CSPP1: variants seen among roughly 807,000 people sequenced by gnomAD.
CSPP1 encodes centrosome and spindle pole-associated protein 1.
Under a neutral mutation model 164.4 loss-of-function variants are expected in CSPP1, and 126 were observed. The ratio of observed to expected loss-of-function variants is 0.77; its 90% CI spans 0.66 to 0.89. CSPP1 has a LOEUF of 0.89. Among genes scored for constraint, CSPP1 ranks in the 40% least tolerant of loss-of-function variants. CSPP1 has a pLI of 0.00. For missense variants in CSPP1, 1,395 were observed against 1,449.8 expected, an observed-to-expected ratio of 0.96 and a Z score of 0.61; for synonymous variants, 472 against 476.7, an observed-to-expected ratio of 0.99 and a Z score of 0.13.
chr8:67,118,231 T>C lies in CSPP1; in HGVS notation c.1497-17T>C, dbSNP rs1349909949. ...AATGAAATATGAGAGGAATTTTTCATCTTTCTTTTCATACAGGATTGCACC... is the reference window on the plus strand; with the variant it reads ...AATGAAATATGAGAGGAATTTTTCACCTTTCTTTTCATACAGGATTGCACC... On this transcript the variant is annotated splice_polypyrimidine_tract_variant and intron_variant, in intron 13 of 30. Transcript: ENST00000678616. The C allele has an allele frequency of 1.2e-6, 2 of 1,609,104 alleles. No individual in the cohort carries two copies. Among genetic ancestry groups the C allele is most frequent in the African/African-American group, 2.7e-5 (2 of 74,714 alleles).
intron 28 of CSPP1, among the ~76,000 whole-genome samples, chr8:67,182,186 A>G (rs1157955296): frequency 6.6e-6 from 1 of 152,098 alleles, no homozygotes; most frequent in Non-Finnish European, 1.5e-5. Context: ...TATTTTTTGT[A>G]GAGACAGGGT....
At position 67,135,464 on chromosome 8, in the gene CSPP1, T is replaced by C. The variant is rs1216497537; in HGVS notation, c.1828-1992T>C. The C allele has an allele frequency of 2.0e-5, 3 of 152,214 alleles. No homozygotes were observed. In the East Asian group the frequency reaches 5.8e-4, roughly 29 times the overall value. 9.4% of individuals were successfully genotyped at this position (152,214 alleles called of 1,614,324 possible). A position where few individuals can be genotyped will look rare whatever the true frequency, so the allele number is the denominator to read the frequency against. On this transcript the variant is annotated intron_variant, in intron 16 of 30. Transcript: ENST00000678616. The stretch of plus-strand genomic sequence containing the variant: ...GGTGTGAGCCCAGCCCATGTTGTAC[T>C]TTTATGTTATAGAGATGGCAGCTTT...
intron 15 of CSPP1, among the ~76,000 whole-genome samples, chr8:67,131,395 C>T (rs558573692): frequency 6.6e-6 from 1 of 151,976 alleles, no homozygotes; most frequent in Non-Finnish European, 1.5e-5. Flanking sequence ...CCAAAAAAAA[C>T]CAAAAAAACA....
chr8:67,186,519 T>C (rs1490509528), intron 28 of CSPP1, among the ~76,000 whole-genome samples: 1 of 151,580 alleles, frequency 6.6e-6, no homozygotes, highest in African/African-American at 2.4e-5. Context: ...TCAGCAAACT[T>C]GGAATAGAGG....
chr8:67,176,984 T>TTGC (rs994545517), intron 26 of CSPP1, among the ~76,000 whole-genome samples: 7 of 151,146 alleles, frequency 4.6e-5, no homozygotes, highest in African/African-American at 1.7e-4. Flanking sequence ...GTCAGGAGAA[T>TTGC]TGCTTGAACC....
At chr8:67,191,570 A>G (rs1836262646) in intron 29 of CSPP1, among the ~76,000 whole-genome samples, 2 of 152,190 alleles carry the variant, frequency 1.3e-5, no homozygotes, top group Non-Finnish European at 1.5e-5. Flanking sequence ...CTTTCTTTTG[A>G]AGGTCATTCA....
intron 28 of CSPP1, among the ~76,000 whole-genome samples, chr8:67,182,688 C>T (rs889088607): frequency 1.1e-4 from 17 of 152,164 alleles, no homozygotes; most frequent in African/African-American, 4.1e-4. Context: ...ACGGGTGTGA[C>T]GTGGCATCTC....
chr8:67,154,727 C>A (rs1261828689), intron 19 of CSPP1, among the ~76,000 whole-genome samples: 1 of 152,142 alleles, frequency 6.6e-6, no homozygotes, highest in East Asian at 1.9e-4. Flanking sequence ...TCTCGAACTA[C>A]TGACCTCAAG....
chr8:67,065,796 T>C (rs1805426102), intron 1 of CSPP1, among the ~76,000 whole-genome samples: 1 of 152,200 alleles, frequency 6.6e-6, no homozygotes, highest in South Asian at 2.1e-4. Flanking sequence ...CCCAAAGTGC[T>C]GGAATTACGG....
chr8:67,150,411 T>G (rs1282161954), intron 18 of CSPP1, among the ~76,000 whole-genome samples: 7 of 152,092 alleles, frequency 4.6e-5, no homozygotes, highest in Non-Finnish European at 8.8e-5. Flanking sequence ...CAATGTTGTT[T>G]TTTTTTTTGT....
At chr8:67,085,459 T>A (rs1334850001) in intron 3 of CSPP1, among the ~76,000 whole-genome samples, 2 of 152,072 alleles carry the variant, frequency 1.3e-5, no homozygotes, top group Non-Finnish European at 2.9e-5. Context: ...AAGATATTCT[T>A]GTATGCTAAA....
rs557911784 is a variant in CSPP1 at position 67,121,238 on chromosome 8, A to G, written c.1697+2417A>G. 8.5e-5 allele frequency among the ~76,000 whole-genome samples: 13 copies of G among 152,342 alleles called. No homozygotes were observed. The South Asian group carries it at 2.3e-3, about 27-fold the overall frequency. On this transcript the variant is annotated intron_variant, in intron 15 of 30. Transcript: ENST00000678616. ...TTTAATAGAAATGGCTAAAGCGGGC[A>G]TCCCTGCCTTGTTCCTGATCTTAGA...
At chr8:67,186,963 T>TATC (rs1383092689) in intron 28 of CSPP1, among the ~76,000 whole-genome samples, 2 of 144,464 alleles carry the variant, frequency 1.4e-5, no homozygotes, top group Non-Finnish European at 3.0e-5. Context: ...GGTATAAATC[T>TATC]ATCTATCATC....
chr8:67,195,567 C>T lies in CSPP1; in HGVS notation c.3655C>T (p.Gln1219Ter). 6.2e-7 allele frequency: 1 copy of T among 1,614,118 alleles called. No individual in the cohort carries two copies. Among genetic ancestry groups the T allele is most frequent in the Non-Finnish European group, 8.5e-7 (1 of 1,180,002 alleles). The change falls in exon 31 of 31, where the codon CAG (glutamine) becomes TAG (stop). Residue 1219 changes from glutamine to a stop codon, truncating the protein, a stop_gained. Coordinates refer to ENST00000678616, the MANE Select transcript of CSPP1 (RefSeq NM_001382391.1). LOFTEE classifies it high-confidence loss of function. The part of the protein sequence containing the change: ...IPGKPGTFTW[Q>*]GLSTAHG ...TGGAAAACCAGGCACTTTCACTTGGCAGGGCCTGTCGACTGCACATGGTTA... is the reference window on the plus strand; with the variant it reads ...TGGAAAACCAGGCACTTTCACTTGGTAGGGCCTGTCGACTGCACATGGTTA...
intron 30 of CSPP1, 42 bp from the exon 31 acceptor site, chr8:67,195,340 C>A: frequency 7.6e-7 from 1 of 1,314,278 alleles, no homozygotes; most frequent in Non-Finnish European, 1.1e-6. Flanking sequence ...CTCCTGCCTG[C>A]CACCTGTGTT....
At chr8:67,157,122 A>G (rs1826815056) in intron 19 of CSPP1, among the ~76,000 whole-genome samples, 2 of 152,160 alleles carry the variant, frequency 1.3e-5, no homozygotes, top group South Asian at 4.1e-4. Flanking sequence ...TGAAATTTTG[A>G]TGAATTATAA....
rs1446338514 is a variant in CSPP1, at chr8:67,116,018, T to G, written c.1392T>G (p.Ser464=). 6.2e-7 allele frequency: 1 copy of G among 1,613,964 alleles called. No homozygotes were observed. The highest frequency in any genetic ancestry group is 2.2e-5 in the East Asian group (1 of 44,876). Residue 464 remains serine, a synonymous_variant, in exon 13 of 31, where the codon TCT becomes TCG. Coordinates refer to ENST00000678616, the MANE Select transcript of CSPP1 (RefSeq NM_001382391.1). ...IAFQTPLPPL[S]APSVPPIPSV... ...TCCAGACACCTCTCCCTCCTTTATC[T>G]GCCCCATCTGTCCCACCCATCCCAT...
Position 67,195,722 on chromosome 8 carries a change from A to G in CSPP1, c.*129A>G, listed in dbSNP as rs959484549. On this transcript the variant is annotated 3_prime_UTR_variant, in exon 31 of 31. Transcript: ENST00000678616. ...TTTTCCATCATCTGTATATAAAATT[A>G]TTTTTATCATGATGTATATTATGTA... 2 of 669,400 alleles carry G rather than the reference A, an allele frequency of 3.0e-6. No homozygotes were observed. Among genetic ancestry groups the G allele is most frequent in the Non-Finnish European group, 5.2e-6 (2 of 386,572 alleles). The allele number at this position is 669,400 out of a possible 1,614,324, so 41.5% of individuals were successfully genotyped here.
chr8:67,159,911 T>C (rs1292942961), intron 21 of CSPP1, among the ~76,000 whole-genome samples: 8 of 68,094 alleles, frequency 1.2e-4, no homozygotes, highest in East Asian at 3.9e-4. Flanking sequence ...TTTCTTTCTT[T>C]CTTTCTTTCT....
Sources: allele counts gnomAD v4.1 joint callset (sites outside exome capture counted in the v4.1 genomes callset), GRCh38; gene constraint gnomAD v4.1.1; transcripts MANE v1.5; gene names NCBI Gene and HGNC (gene_info 2026-07-23, HGNC 2026-07-21).